Variants in CKLF observed in about 807,000 individuals in gnomAD.
CKLF encodes the protein chemokine like factor.
CKLF carries 16 observed loss-of-function variants against 12.9 expected under a neutral mutation model. The observed-to-expected ratio is 1.24, with a 90% CI of 0.84 to 1.88. The LOEUF (loss-of-function observed/expected upper bound fraction) is 1.88, where lower values mean the gene tolerates loss of function less well. Ranked by LOEUF, CKLF falls within the 40% of genes most tolerant of loss-of-function variation. The probability of loss-of-function intolerance (pLI) is 0.00; values close to 1 mark genes in which losing one functional copy is unlikely to be tolerated. For synonymous variants in CKLF, 61 were observed against 69.0 expected, an observed-to-expected ratio of 0.88 and a Z score of 0.57; for missense variants, 172 against 188.5, an observed-to-expected ratio of 0.91 and a Z score of 0.51.
intron 1 of CKLF, among the ~76,000 whole-genome samples, chr16:66,557,050 A>G (rs1442647589): frequency 6.6e-6 from 1 of 152,008 alleles, no homozygotes; most frequent in Admixed American, 6.6e-5. Context: ...AGAGTTTTTT[A>G]TGTTTTTTTT....
Position 66,552,700 on chromosome 16 carries a change from TG to T in CKLF, c.-13del, listed in dbSNP as rs746498731. 6.2e-7 allele frequency: 1 copy of T among 1,614,128 alleles called. No individual in the cohort carries two copies. Among genetic ancestry groups the T allele is most frequent in the South Asian group, 1.1e-5 (1 of 91,092 alleles). On this transcript the variant is annotated 5_prime_UTR_variant, in exon 1 of 4. Transcript: ENST00000264001. ...AAGAGTTGAGGGAAAGTGCTGCTGC[TG>T]GGTCTGCAGACGCGATGGATAACGT... is the stretch of plus-strand genomic sequence containing the variant.
rs551466600 is a variant in CKLF, at chr16:66,555,806, G to A, written c.79-2384G>A. 2.0e-5 allele frequency among the ~76,000 whole-genome samples: 3 copies of A among 152,316 alleles called. No individual in the cohort carries two copies. The South Asian group carries it at 6.2e-4, about 32-fold the overall frequency. On this transcript the variant is annotated intron_variant, in intron 1 of 3. Coordinates refer to ENST00000264001, the MANE Select transcript of CKLF (RefSeq NM_016951.4). ...ATGGAAAAGACGATGAAAGGCAGTA[G>A]TTGTAAGGATGAAGAGGAGGGAGTG...
chr16:66,566,136 C>A, downstream of CKLF: 1 of 1,604,480 alleles, frequency 6.2e-7, no homozygotes, highest in Admixed American at 1.7e-5. This position sits in a 1 kb window ranked among gnomAD's most constrained non-coding sequence, Gnocchi z 4.9. Context: ...GTCTGCACCC[C>A]GCGCAGAGCA....
chr16:66,557,882 A>C (rs2011509578), intron 1 of CKLF, among the ~76,000 whole-genome samples: 3 of 152,342 alleles, frequency 2.0e-5, no homozygotes, highest in Admixed American at 2.0e-4. Flanking sequence ...AGGAATACCC[A>C]GTCCTCTAAA....
At chr16:66,564,702 C>T (rs531226251) in intron 3 of CKLF, among the ~76,000 whole-genome samples, 6 of 152,294 alleles carry the variant, frequency 3.9e-5, no homozygotes, top group African/African-American at 9.6e-5. Flanking sequence ...GATCTTCCGA[C>T]GTCGTGATCC....
In CKLF at chr16:66,552,642, G is replaced by A. The variant is rs1965848826; in HGVS notation, c.-74G>A. On this transcript the variant is annotated 5_prime_UTR_variant, in exon 1 of 4. Coordinates refer to ENST00000264001, the MANE Select transcript of CKLF (RefSeq NM_016951.4). ...CTCCGCCGCGGTGGCGGTTGCTATC[G>A]CTTCGCAGAACCTACTCAGGCAGCC... 1.9e-6 allele frequency: 3 copies of A among 1,607,608 alleles called. No individual in the cohort carries two copies. The highest frequency in any genetic ancestry group is 1.7e-5 in the Admixed American group (1 of 59,874).
intron 2 of CKLF, among the ~76,000 whole-genome samples, chr16:66,560,035 G>A (rs1019906440): frequency 1.6e-4 from 25 of 152,174 alleles, no homozygotes; most frequent in Admixed American, 8.5e-4. Flanking sequence ...CTAGGATGGC[G>A]TGGATGCAAC....
At chr16:66,562,808 C>T (rs2011826216) in intron 2 of CKLF, among the ~76,000 whole-genome samples, 1 of 152,150 alleles carries the variant, frequency 6.6e-6, no homozygotes, top group Non-Finnish European at 1.5e-5. Flanking sequence ...GTAACCTCTG[C>T]CTCCCGGGTT....
intron 1 of CKLF, among the ~76,000 whole-genome samples, 175 bp downstream of exon 1, chr16:66,552,968 C>T (rs1024311760): frequency 1.3e-5 from 2 of 152,112 alleles, no homozygotes; most frequent in Non-Finnish European, 1.5e-5. Context: ...ACTGTCCTCC[C>T]CTTAGGAGGG....
intron 1 of CKLF, among the ~76,000 whole-genome samples, chr16:66,557,162 C>CT (rs1441685695): frequency 1.3e-5 from 2 of 151,894 alleles, no homozygotes; most frequent in African/African-American, 4.8e-5. Flanking sequence ...TTGTTTTTCT[C>CT]TGACAATTTT....
intron 1 of CKLF, among the ~76,000 whole-genome samples, chr16:66,556,525 G>A (rs2011458817): frequency 6.6e-6 from 1 of 152,130 alleles, no homozygotes; most frequent in Admixed American, 6.6e-5. Flanking sequence ...CCATAGAAAG[G>A]TTTAAGGAAA....
At chr16:66,557,777 C>T (rs1194775851) in intron 1 of CKLF, among the ~76,000 whole-genome samples, 4 of 152,084 alleles carry the variant, frequency 2.6e-5, no homozygotes, top group East Asian at 1.9e-4. Context: ...CAAGGGGGAA[C>T]GGAGGTACTT....
rs2012267027 is a variant in CKLF, at chr16:66,566,033, G to C, written c.*22G>C. 4 of 1,605,444 alleles carry C rather than the reference G, an allele frequency of 2.5e-6. No individual in the cohort carries two copies. The highest frequency in any genetic ancestry group is 3.4e-6 in the Non-Finnish European group (4 of 1,172,814). ...GTAATTTTATATTACTTTTTAGTTT[G>C]ATACTAAGTATTAAACATATTTCTG... On this transcript the variant is annotated 3_prime_UTR_variant, in exon 4 of 4. Coordinates refer to ENST00000264001, the MANE Select transcript of CKLF (RefSeq NM_016951.4). This position sits in a 1 kb window ranked among gnomAD's most constrained non-coding sequence, Gnocchi z 4.9.
intron 2 of CKLF, among the ~76,000 whole-genome samples, chr16:66,560,815 AC>A (rs2011660507): frequency 6.7e-6 from 1 of 149,558 alleles, no homozygotes; most frequent in Non-Finnish European, 1.5e-5. Flanking sequence ...ACACACACAC[AC>A]ACACACACAC....
At chr16:66,563,635 C>A (rs1266675492) in intron 3 of CKLF, among the ~76,000 whole-genome samples, 1 of 152,146 alleles carries the variant, frequency 6.6e-6, no homozygotes, top group East Asian at 1.9e-4. Flanking sequence ...GTTTTGAGCT[C>A]AGTTATTTCT....
chr16:66,558,107 CTAT>C, intron 1 of CKLF, 80 bp from the exon 2 acceptor site: 1 of 1,572,130 alleles, frequency 6.4e-7, no homozygotes, highest in Non-Finnish European at 8.6e-7. Context: ...TGTGCCCAGC[CTAT>C]TATTTTAGAA....
In CKLF at chr16:66,561,065, G is replaced by A. The variant is rs970777768; in HGVS notation, c.238-2057G>A. ...ACAGGTGGAGAAGTTGCCTGGGGAT[G>A]TTACCTAAAGTGTAGGACACAGAGA... On this transcript the variant is annotated intron_variant, in intron 2 of 3. Transcript: ENST00000264001. 5.4e-4 allele frequency among the ~76,000 whole-genome samples: 82 copies of A among 152,178 alleles called. 1 individual carries two copies. Among genetic ancestry groups the A allele is most frequent in the East Asian group, 1.9e-4 (1 of 5,186 alleles).
At chr16:66,561,266 C>A (rs953008889) in intron 2 of CKLF, among the ~76,000 whole-genome samples, 1 of 151,782 alleles carries the variant, frequency 6.6e-6, no homozygotes, top group Admixed American at 6.6e-5. Context: ...ATTGTTCCCC[C>A]CCGAGAGCCC....
intron 1 of CKLF, among the ~76,000 whole-genome samples, chr16:66,557,540 C>G (rs1276403582): frequency 6.6e-6 from 1 of 152,126 alleles, no homozygotes; most frequent in African/African-American, 2.4e-5. Flanking sequence ...TGACAGTAGA[C>G]TCCAGATTGT....
Sources: gnomAD v4.1 joint callset for allele counts (sites outside exome capture counted in the v4.1 genomes callset) on GRCh38, gnomAD v4.1.1 for gene constraint, Gnocchi (gnomAD v3.1) non-coding constraint, MANE v1.5 for transcripts, NCBI Gene and HGNC (gene_info 2026-07-23, HGNC 2026-07-21) for gene names.